HOXA10: variants seen among roughly 807,000 people sequenced by gnomAD.
HOXA10 encodes homeobox protein Hox-A10.
HOXA10 carries 12 observed loss-of-function variants against 29.7 expected under a neutral mutation model. The observed-to-expected ratio is 0.40, with a 90% CI of 0.26 to 0.65. HOXA10 has a LOEUF of 0.65. HOXA10 is among the 30% of genes least tolerant of loss of function. The probability of loss-of-function intolerance (pLI) is 0.37; values close to 1 mark genes in which losing one functional copy is unlikely to be tolerated. For synonymous variants in HOXA10, 327 were observed against 280.7 expected (o/e 1.16, Z -1.65); for missense variants, 656 against 585.9 (o/e 1.12, Z -1.24).
At chr7:27,173,005 C>A (rs543265623) in intron 1 of HOXA10, 3 of 349,444 alleles carry the variant, frequency 8.6e-6, no homozygotes, top group African/African-American at 2.2e-5. Flanking sequence ...CCCCTCCCCC[C>A]GCGTGGGCCG....
chr7:27,171,915 T>C lies in HOXA10; in HGVS notation c.1217A>G (p.Asn406Ser). The C allele has an allele frequency of 6.2e-7, 1 of 1,614,158 alleles. No individual in the cohort carries two copies. Among genetic ancestry groups the C allele is most frequent in the Non-Finnish European group, 8.5e-7 (1 of 1,180,034 alleles). Residue 406 changes from asparagine (N) to serine (S), a missense_variant, in exon 2 of 2, where the codon AAC (asparagine) becomes AGC (serine). Asn to Ser is a conservative substitution (Grantham distance 46, BLOSUM62 1). Coordinates refer to ENST00000283921, the MANE Select transcript of HOXA10 (RefSeq NM_018951.4). ...GGAGATTCATCAGGAAAAATTAAAG[T>C]TGGCTGTGAGCTCCCGGATCCGGTT... ...RENRIRELTA[N>S]FNFS
upstream of HOXA10, among the ~76,000 whole-genome samples, chr7:27,176,577 C>T (rs909123097): frequency 1.3e-5 from 2 of 152,230 alleles, no homozygotes; most frequent in South Asian, 4.1e-4. Context: ...CTGCCCATGC[C>T]TCTCAGAAAA....
At chr7:27,173,073 C>T (rs1313789119) in intron 1 of HOXA10, 2 of 525,810 alleles carry the variant, frequency 3.8e-6, no homozygotes, top group South Asian at 2.2e-5. Context: ...CAGGAAAGAG[C>T]GCACAGGAGG....
chr7:27,173,238 C>A (rs1001322326), intron 1 of HOXA10, 111 bp downstream of exon 1: 9 of 1,531,718 alleles, frequency 5.9e-6, no homozygotes, highest in Non-Finnish European at 6.2e-6. Flanking sequence ...CTGCCTGCAG[C>A]TTGGGCCAAG....
rs749818947 is a variant in HOXA10 at position 27,174,121 on chromosome 7, C to T, written c.186G>A (p.Gly62=). The stretch of plus-strand genomic sequence containing the variant: ...GGTCGGCGGCGGGCGGCAGGTAGAC[C>T]CCGCCGTGGGCGTAGTAACCGCCAC... The part of the protein sequence containing the change: ...GGGGGYYAHG[G]VYLPPAADLP... Residue 62 remains glycine, a synonymous_variant, in exon 1 of 2, where the codon GGG becomes GGA. Transcript: ENST00000283921. 6.7e-5 allele frequency: 107 copies of T among 1,587,744 alleles called. No homozygotes were observed. The highest frequency in any genetic ancestry group is 9.0e-5 in the Non-Finnish European group (106 of 1,174,974).
At position 27,174,230 on chromosome 7, in the gene HOXA10, G is replaced by C. The variant is rs914983745; in HGVS notation, c.77C>G (p.Ala26Gly). The C allele has an allele frequency of 6.2e-6, 10 of 1,600,480 alleles. No homozygotes were observed. In the Middle Eastern group the frequency reaches 5.0e-4, roughly 80 times the overall value. Reference protein sequence around the residue: ...TTMSCSESPAANSFLVDSLIS... With the variant: ...TTMSCSESPAGNSFLVDSLIS... ...GAGCGAGTCGACCAAAAAAGAGTTC[G>C]CGGCGGGGCTCTCCGAGCATGACAT... Residue 26 changes from alanine to glycine, a missense_variant, in exon 1 of 2, where the codon GCG (alanine) becomes GGG (glycine). Coordinates refer to ENST00000283921, the MANE Select transcript of HOXA10 (RefSeq NM_018951.4).
In HOXA10 at chr7:27,173,385, C is replaced by T. The variant is rs779685028; in HGVS notation, c.922G>A (p.Glu308Lys). 6.2e-7 allele frequency: 1 copy of T among 1,611,810 alleles called. No individual in the cohort carries two copies. The highest frequency in any genetic ancestry group is 8.5e-7 in the Non-Finnish European group (1 of 1,179,744). Reference sequence around the variant, plus strand: ...TTCTCCGGCGAGGCTTTGCTGCTCTCGGAAGGGGCCGGGGAGAGCTCCTCC... The same window carrying T: ...TTCTCCGGCGAGGCTTTGCTGCTCTTGGAAGGGGCCGGGGAGAGCTCCTCC... ...AAEELSPAPS[E>K]SSKASPEKDS... Residue 308 changes from glutamate to lysine, a missense_variant, in exon 1 of 2, where the codon GAG (glutamate) becomes AAG (lysine). This residue lies in a region of HOXA10 where 594 missense variants were observed against 491.9 expected (regional missense o/e 1.21). Transcript: ENST00000283921.
chr7:27,174,430 C>G (rs1242503474), upstream of HOXA10: 5 of 1,495,314 alleles, frequency 3.3e-6, no homozygotes, highest in East Asian at 2.4e-5. Flanking sequence ...GGCGCGGGGC[C>G]GCTCTCCGAG....
intron 1 of HOXA10, chr7:27,173,026 G>A: frequency 2.6e-6 from 1 of 378,762 alleles, no homozygotes; most frequent in Non-Finnish European, 4.8e-6. Flanking sequence ...CGCCGCGCAG[G>A]CTGGGCAGGG....
At chr7:27,173,175 A>G (rs1464103052) in intron 1 of HOXA10, among the ~76,000 whole-genome samples, 174 bp downstream of exon 1, 2 of 152,156 alleles carry the variant, frequency 1.3e-5, no homozygotes, top group African/African-American at 4.8e-5. Flanking sequence ...CCGGACATGA[A>G]TTTTACTGCG....
At chr7:27,178,777 G>A (rs913876980), upstream of HOXA10, among the ~76,000 whole-genome samples, 1 of 152,184 alleles carries the variant, frequency 6.6e-6, no homozygotes, top group Non-Finnish European at 1.5e-5. Context: ...AAAAGAAAAA[G>A]ATGTGGGAAA....
Position 27,171,168 on chromosome 7 carries a change from G to T in HOXA10, c.*731C>A, listed in dbSNP as rs747882283. ...AGAGGTAAATGAAACATTTTAGTCA[G>T]GCAATGTAAGACCTTACAGAAACTG... On this transcript the variant is annotated 3_prime_UTR_variant, in exon 2 of 2. Transcript: ENST00000283921. The T allele has an allele frequency of 3.1e-5, 14 of 453,544 alleles. No individual in the cohort carries two copies. In the East Asian group the frequency reaches 4.9e-4, roughly 16 times the overall value. The allele number at this position is 453,544 out of a possible 1,614,324, so 28.1% of individuals were successfully genotyped here. A position where few individuals can be genotyped will look rare whatever the true frequency, so the allele number is the denominator to read the frequency against.
intron 1 of HOXA10, chr7:27,172,951 A>G (rs903948535): frequency 4.3e-6 from 1 of 235,022 alleles, no homozygotes; most frequent in Non-Finnish European, 8.3e-6. Flanking sequence ...TGGATGCCTT[A>G]CAAACATCCG....
At position 27,171,995 on chromosome 7, in the gene HOXA10, T is replaced by G; in HGVS notation, c.1137A>C (p.Gln379His). The G allele has an allele frequency of 6.2e-7, 1 of 1,614,180 alleles. No homozygotes were observed. Among genetic ancestry groups the G allele is most frequent in the South Asian group, 1.1e-5 (1 of 91,086 alleles). ...TGCGGTTCTGAAACCAGATTTTCAC[T>G]TGTCTGTCCGTGAGGTGGACGCTGC... ...ISRSVHLTDR[Q>H]VKIWFQNRRM... The change falls in exon 2 of 2, where the codon CAA becomes CAC. Residue 379 changes from glutamine to histidine, a missense_variant. Gln to His is a conservative substitution (Grantham distance 24). Transcript: ENST00000283921.
rs184878327 is a variant in HOXA10 at position 27,171,722 on chromosome 7, A to G, written c.*177T>C. The stretch of plus-strand genomic sequence containing the variant: ...AATAAACCAGCACCAAGCAAACACA[A>G]AGAAACAAAAAGTCAGAACAAACCA... On this transcript the variant is annotated 3_prime_UTR_variant, in exon 2 of 2. Coordinates refer to ENST00000283921, the MANE Select transcript of HOXA10 (RefSeq NM_018951.4). The G allele has an allele frequency of 3.0e-5, 23 of 767,554 alleles. No homozygotes were observed. In the East Asian group the frequency reaches 5.2e-4, roughly 17 times the overall value. The allele number at this position is 767,554 out of a possible 1,614,324, so 47.5% of individuals were successfully genotyped here. A position where few individuals can be genotyped will look rare whatever the true frequency, so the allele number is the denominator to read the frequency against.
chr7:27,179,675 G>A, exon 1 of HOXA10: 1 of 778,468 alleles, frequency 1.3e-6, no homozygotes, highest in Non-Finnish European at 2.4e-6. Flanking sequence ...CACTGCCAAG[G>A]GACAGCTGGC....
In HOXA10 at chr7:27,173,630, T is replaced by A. The variant is rs1783572746; in HGVS notation, c.677A>T (p.Tyr226Phe). Reference protein sequence around the residue: ...LSQAYGTAKGYGSGGGGAQQL... With the variant: ...LSQAYGTAKGFGSGGGGAQQL... ...CTGCGCGCCGCCGCCGCCGCTGCCA[T>A]AGCCCTTGGCGGTGCCGTAGGCCTG... Residue 226 changes from tyrosine (Y) to phenylalanine (F), a missense_variant, in exon 1 of 2, where the codon TAT becomes TTT. Transcript: ENST00000283921. The A allele has an allele frequency of 6.5e-7, 1 of 1,541,506 alleles. No individual in the cohort carries two copies. The highest frequency in any genetic ancestry group is 8.7e-7 in the Non-Finnish European group (1 of 1,143,686).
rs1433862966 is a variant in HOXA10 at position 27,173,880 on chromosome 7, G to A, written c.427C>T (p.Pro143Ser). 2.5e-6 allele frequency: 4 copies of A among 1,572,850 alleles called. No homozygotes were observed. Among genetic ancestry groups the A allele is most frequent in the South Asian group, 2.3e-5 (2 of 86,794 alleles). Residue 143 changes from proline to serine, a missense_variant, in exon 1 of 2, where the codon CCC (proline) becomes TCC (serine). Around this residue, in one of 2 missense-constraint regions of HOXA10, gnomAD observed 594 missense variants for 491.9 expected, o/e 1.21. Coordinates refer to ENST00000283921, the MANE Select transcript of HOXA10 (RefSeq NM_018951.4). Reference protein sequence around the residue: ...PPPPPQQQPPPPPQPPQPAPQ... With the variant: ...PPPPPQQQPPSPPQPPQPAPQ... ...GCTGGCTGGGGTGGTTGCGGCGGGGGCGGCGGCTGCTGCTGGGGCGGCGGC... is the reference window on the plus strand; with the variant it reads ...GCTGGCTGGGGTGGTTGCGGCGGGGACGGCGGCTGCTGCTGGGGCGGCGGC...
At chr7:27,178,513 T>C (rs575935746), upstream of HOXA10, among the ~76,000 whole-genome samples, 95 of 152,358 alleles carry the variant, frequency 6.2e-4, no homozygotes, top group African/African-American at 2.3e-3. Context: ...GCAATATTCT[T>C]AGATTTGTTC....
Sources: gnomAD v4.1 joint callset for allele counts (sites outside exome capture counted in the v4.1 genomes callset) on GRCh38, gnomAD v4.1.1 for gene constraint, gnomAD v4.1.1 regional missense constraint, MANE v1.5 for transcripts, NCBI Gene and HGNC (gene_info 2026-07-23, HGNC 2026-07-21) for gene names.